TTN: variants seen among roughly 807,000 people sequenced by gnomAD.
TTN encodes the protein titin, also known as connectin.
Under a neutral mutation model 3,223.0 loss-of-function variants are expected in TTN, and 1,525 were observed. The observed-to-expected ratio is 0.47, with a 90% confidence interval of 0.45 to 0.49. TTN has a LOEUF of 0.49. Among genes scored for constraint, TTN ranks in the 20% least tolerant of loss-of-function variants. The pLI is 0.00. For missense variants in TTN, 40,786 were observed against 43,424.0 expected, an observed-to-expected ratio of 0.94 and a Z score of 5.40; for synonymous variants, 14,094 against 15,161.0, an observed-to-expected ratio of 0.93 and a Z score of 5.17.
chr2:178,718,557 C>G lies in TTN; in HGVS notation c.24549G>C (p.Glu8183Asp). Residue 8183 changes from glutamate to aspartate, a missense_variant, in exon 85 of 363, where the codon GAG becomes GAC. Physicochemically the swap from Glu to Asp is conservative, Grantham distance 45. Coordinates refer to ENST00000589042, the MANE Select transcript of TTN (RefSeq NM_001267550.2). ...FVKRLADFSV[E>D]TGSPIVLEAT... ...CCTCGAGAACTATGGGGCTTCCTGT[C>G]TCAACACTGAAATCAGCCAATCTTT... The G allele has an allele frequency of 1.9e-6, 3 of 1,613,456 alleles. No individual in the cohort carries two copies. Among genetic ancestry groups the G allele is most frequent in the African/African-American group, 2.7e-5 (2 of 75,016 alleles).
In TTN at chr2:178,564,979, G is replaced by T; in HGVS notation, c.81153C>A (p.Asn27051Lys). The T allele has an allele frequency of 6.2e-7, 1 of 1,611,804 alleles. No individual in the cohort carries two copies. Among genetic ancestry groups the T allele is most frequent in the South Asian group, 1.1e-5 (1 of 90,664 alleles). Residue 27051 changes from asparagine (N) to lysine (K), a missense_variant, in exon 326 of 363, where the codon AAC becomes AAA. Physicochemically the swap from Asn to Lys is moderately conservative, Grantham distance 94. Transcript: ENST00000589042. ...CCAGTGGGGCACTTTTTCCATACCTGTTTTCAGCAAAAATTCTAAACTGGT... is the reference window on the plus strand; with the variant it reads ...CCAGTGGGGCACTTTTTCCATACCTTTTTTCAGCAAAAATTCTAAACTGGT... The part of the protein sequence containing the change: ...TEYQFRIFAE[N>K]RYGKSAPLDS...
chr2:178,719,766 T>C lies in TTN; in HGVS notation c.23726A>G (p.Glu7909Gly). The change falls in exon 82 of 363, where the codon GAG becomes GGG. Residue 7909 changes from glutamate to glycine, a missense_variant. By Grantham distance (98) the Glu-to-Gly change is moderately conservative. Transcript: ENST00000589042. ...TTCTGGTGTTCCAGTCACTACACACTCTAATGCAAAAGGATTTCCAGTAGT... is the reference window on the plus strand; with the variant it reads ...TTCTGGTGTTCCAGTCACTACACACCCTAATGCAAAAGGATTTCCAGTAGT... ...TVTTGNPFAL[E>G]CVVTGTPELS... 6.2e-7 allele frequency: 1 copy of C among 1,613,602 alleles called. No individual in the cohort carries two copies. The highest frequency in any genetic ancestry group is 1.3e-5 in the African/African-American group (1 of 75,026).
chr2:178,582,283 G>A lies in TTN; in HGVS notation c.66160+13C>T, dbSNP rs540268266. 1.3e-6 allele frequency: 2 copies of A among 1,578,986 alleles called. No homozygotes were observed. Among genetic ancestry groups the A allele is most frequent in the Non-Finnish European group, 8.6e-7 (1 of 1,168,576 alleles). ...AAAAAATAAAATGAAAAACCACCGG[G>A]AAATGTTCCTACCATATGGGTTTTT... On this transcript the variant is annotated intron_variant, in intron 314 of 362. Coordinates refer to ENST00000589042, the MANE Select transcript of TTN (RefSeq NM_001267550.2).
Position 178,577,673 on chromosome 2 carries a change from G to T in TTN, c.68753C>A (p.Ala22918Glu), listed in dbSNP as rs1194010406. The change falls in exon 323 of 363, where the codon GCA becomes GAA. Residue 22918 changes from alanine (A) to glutamate (E), a missense_variant. Transcript: ENST00000589042. ...EGGKYEFRIR[A>E]KNTAGAISAP... is the part of the protein sequence containing the mutation. ...ACTGATAGCACCTGCTGTATTCTTT[G>T]CTCTAATTCTGAATTCATATTTTCC... 3 of 1,613,074 alleles carry T rather than the reference G, an allele frequency of 1.9e-6. No individual in the cohort carries two copies. The highest frequency in any genetic ancestry group is 2.5e-6 in the Non-Finnish European group (3 of 1,179,550).
chr2:178,688,626 T>C (rs556230291), intron 126 of TTN, 51 bp downstream of exon 126: 10 of 1,256,496 alleles, frequency 8.0e-6, no homozygotes, highest in Middle Eastern at 1.9e-4. Flanking sequence ...AAGAAGAGAC[T>C]TTGAGGAAAC....
At chr2:178,744,768 T>C (rs1251864180) in intron 47 of TTN, 2 of 984,908 alleles carry the variant, frequency 2.0e-6, no homozygotes, top group African/African-American at 1.7e-5. Context: ...ATAGTTTCCC[T>C]TTTTTCCCCA....
chr2:178,728,670 A>C lies in TTN; in HGVS notation c.19256T>G (p.Leu6419Arg). The change falls in exon 66 of 363, where the codon CTT becomes CGT. Residue 6419 changes from leucine to arginine, a missense_variant. Leu to Arg is a moderately radical substitution (Grantham distance 102). Transcript: ENST00000589042. ...GGGAACTATTTGTTTCCCGTCTTTA[A>C]GCCATTTCACTTTGAGTTCTGGTGT... is the stretch of plus-strand genomic sequence containing the variant. ...AGTPELKVKW[L>R]KDGKQIVPSR... The C allele has an allele frequency of 1.2e-6, 2 of 1,613,354 alleles. No individual in the cohort carries two copies. Among genetic ancestry groups the C allele is most frequent in the Non-Finnish European group, 1.7e-6 (2 of 1,179,558 alleles).
intron 127 of TTN, 125 bp downstream of exon 127, chr2:178,687,986 C>T: frequency 1.5e-6 from 1 of 682,178 alleles, no homozygotes; most frequent in South Asian, 1.9e-5. Context: ...TTTAATGAGA[C>T]TGGTAGATGT....
chr2:178,580,631 A>G (rs1387482509), intron 316 of TTN, 22 bp from the exon 317 acceptor site: 2 of 1,583,428 alleles, frequency 1.3e-6, no homozygotes, highest in South Asian at 1.2e-5. Flanking sequence ...TGGGTGAAGA[A>G]GTTAAATAAA....
At position 178,621,732 on chromosome 2, in the gene TTN, G is replaced by C. The variant is rs780981695; in HGVS notation, c.45092C>G (p.Ala15031Gly). The C allele has an allele frequency of 6.2e-7, 1 of 1,610,694 alleles. No individual in the cohort carries two copies. Among genetic ancestry groups the C allele is most frequent in the South Asian group, 1.1e-5 (1 of 90,676 alleles). ...GTTGGCAAGATTTTTGGTAAAGACA[G>C]CTTCTTCTTCTGCAAGCATTGAAAA... Reference protein sequence around the residue: ...SGMLTVLEEEAVFTKNLANIE... With the variant: ...SGMLTVLEEEGVFTKNLANIE... Residue 15031 changes from alanine (A) to glycine (G), a missense_variant, in exon 245 of 363, where the codon GCT becomes GGT. By Grantham distance (60) the Ala-to-Gly change is moderately conservative (BLOSUM62 0). Coordinates refer to ENST00000589042, the MANE Select transcript of TTN (RefSeq NM_001267550.2).
In TTN at chr2:178,701,125, A is replaced by G. The variant is rs1044160641; in HGVS notation, c.30677T>C (p.Ile10226Thr). Residue 10226 changes from isoleucine (I) to threonine (T), a missense_variant, in exon 111 of 363, where the codon ATT becomes ACT. Ile to Thr is a moderately conservative substitution (Grantham distance 89). Transcript: ENST00000589042. ...PEEKKPPPKRIEVTKKAVKKD... is the reference protein window; with the variant it reads ...PEEKKPPPKRTEVTKKAVKKD... ...AGGTAGATGAGGTATAATACCTTCA[A>G]TACGTTTTGGTGGTGGTTTCTTTTC... The G allele has an allele frequency of 6.2e-7, 1 of 1,613,696 alleles. No homozygotes were observed. Among genetic ancestry groups the G allele is most frequent in the Non-Finnish European group, 8.5e-7 (1 of 1,179,684 alleles).
rs2154132828 is a variant in TTN at position 178,530,544 on chromosome 2, A to G, written c.106071T>C (p.Tyr35357=). ...CACCTTCACCAGAAATCTCACAAAC[A>G]TATTCTCCTTGATCAGATTCAGTGA... ...NNLTESDQGE[Y]VCEISGEGGT... is the part of the protein sequence containing the mutation. Residue 35357 remains tyrosine, a synonymous_variant, in exon 358 of 363, where the codon TAT becomes TAC. Transcript: ENST00000589042. The G allele has an allele frequency of 3.7e-6, 6 of 1,614,026 alleles. No homozygotes were observed. The highest frequency in any genetic ancestry group is 5.1e-6 in the Non-Finnish European group (6 of 1,179,894).
Position 178,741,001 on chromosome 2 carries a change from T to G in TTN, c.12232A>C (p.Thr4078Pro). The change falls in exon 48 of 363, where the codon ACC becomes CCC. Residue 4078 changes from threonine (T) to proline (P), a missense_variant. Thr to Pro is a conservative substitution (Grantham distance 38). Transcript: ENST00000589042. ...GTAATTAAAGCAGCTTTCAAAATGGTGTCTTTTACAAACGTTGCAATTTCC... is the reference window on the plus strand; with the variant it reads ...GTAATTAAAGCAGCTTTCAAAATGGGGTCTTTTACAAACGTTGCAATTTCC... Reference protein sequence around the residue: ...EQEIATFVKDTILKAALITEE... With the variant: ...EQEIATFVKDPILKAALITEE... 6.2e-7 allele frequency: 1 copy of G among 1,613,916 alleles called. No homozygotes were observed. The highest frequency in any genetic ancestry group is 8.5e-7 in the Non-Finnish European group (1 of 1,179,830).
intron 242 of TTN, among the ~76,000 whole-genome samples, chr2:178,623,382 G>A (rs1268725438): frequency 1.3e-5 from 2 of 150,808 alleles, no homozygotes; most frequent in Non-Finnish European, 3.0e-5. Context: ...TTTTACATCT[G>A]TTATTTCATT....
chr2:178,800,567 G>T lies in TTN; in HGVS notation c.411C>A (p.Phe137Leu), dbSNP rs1482023535. ...VTGIPTPVVK[F>L]YRDGAEIQSS... ...TCTGGATTTCGGCTCCATCCCGGTA[G>T]AACTTCACCACAGGTGTAGGGATTC... The change falls in exon 4 of 363, where the codon TTC becomes TTA. Residue 137 changes from phenylalanine (F) to leucine (L), a missense_variant. Transcript: ENST00000589042. The T allele has an allele frequency of 3.1e-6, 5 of 1,614,156 alleles. No homozygotes were observed. The highest frequency in any genetic ancestry group is 4.2e-6 in the Non-Finnish European group (5 of 1,180,004).
At position 178,702,597 on chromosome 2, in the gene TTN, A is replaced by G; in HGVS notation, c.30290T>C (p.Phe10097Ser). Residue 10097 changes from phenylalanine (F) to serine (S), a missense_variant, in exon 107 of 363, where the codon TTT (phenylalanine) becomes TCT (serine). Transcript: ENST00000589042. The stretch of plus-strand genomic sequence containing the variant: ...ATCATCAAAGGACACTTCACACTCA[A>G]AGGTGGCAGACTGATGCTCACTCAC... ...IVVSEHQSAT[F>S]ECEVSFDDAI... The G allele has an allele frequency of 1.9e-6, 3 of 1,613,972 alleles. No homozygotes were observed. The highest frequency in any genetic ancestry group is 2.5e-6 in the Non-Finnish European group (3 of 1,179,878).
Position 178,566,681 on chromosome 2 carries a change from G to A in TTN, c.79451C>T (p.Pro26484Leu), listed in dbSNP as rs1705995827. Residue 26484 changes from proline to leucine, a missense_variant, in exon 326 of 363, where the codon CCT becomes CTT. Coordinates refer to ENST00000589042, the MANE Select transcript of TTN (RefSeq NM_001267550.2). ...GGTAGGTGGGCCAGGTTTGAACACA[G>A]GATCACAGGCTTTATAATAAACTGT... Reference protein sequence around the residue: ...PATVYYKACDPVFKPGPPTNA... With the variant: ...PATVYYKACDLVFKPGPPTNA... 6.2e-7 allele frequency: 1 copy of A among 1,613,270 alleles called. No individual in the cohort carries two copies. Among genetic ancestry groups the A allele is most frequent in the Non-Finnish European group, 8.5e-7 (1 of 1,179,684 alleles).
intron 149 of TTN, among the ~76,000 whole-genome samples, 193 bp downstream of exon 149, chr2:178,675,478 A>C (rs558507108): frequency 2.6e-5 from 4 of 151,932 alleles, no homozygotes; most frequent in Middle Eastern, 6.8e-3. Flanking sequence ...ACATACATAG[A>C]GAAACGATGT....
At chr2:178,631,477 G>T (rs559580342) in intron 236 of TTN, among the ~76,000 whole-genome samples, 177 bp from the exon 237 acceptor site, 1 of 152,092 alleles carries the variant, frequency 6.6e-6, no homozygotes, top group Non-Finnish European at 1.5e-5. Context: ...AAGGGAATCA[G>T]TGTGTGGGAT....
Sources: allele counts gnomAD v4.1 joint callset (sites outside exome capture counted in the v4.1 genomes callset), GRCh38; gene constraint gnomAD v4.1.1; transcripts MANE v1.5; gene names NCBI Gene and HGNC (gene_info 2026-07-23, HGNC 2026-07-21).